Variants in ADAM9 observed in about 807,000 individuals in gnomAD.
ADAM9 encodes the protein disintegrin and metalloproteinase domain-containing protein 9.
In ADAM9, 54 loss-of-function variants were observed where a neutral mutation model predicts 108.1. That is an observed-to-expected ratio of 0.50 (90% CI 0.40 to 0.63). ADAM9 has a LOEUF of 0.63. Among genes scored for constraint, ADAM9 ranks in the 20% least tolerant of loss-of-function variants. ADAM9 has a pLI of 0.00. For synonymous variants in ADAM9, 316 were observed against 336.0 expected, an observed-to-expected ratio of 0.94 and a Z score of 0.65; for missense variants, 830 against 997.7, an observed-to-expected ratio of 0.83 and a Z score of 2.26.
At chr8:39,054,602 G>GGA in intron 13 of ADAM9, 29 bp downstream of exon 13, 1 of 944,768 alleles carries the variant, frequency 1.1e-6, no homozygotes, top group Non-Finnish European at 1.5e-6. Context: ...TTGGAAACAG[G>GGA]AAAAAAAAAA....
chr8:39,033,677 T>G (rs529205759), intron 11 of ADAM9, among the ~76,000 whole-genome samples: 1 of 152,130 alleles, frequency 6.6e-6, no homozygotes. Flanking sequence ...TCCATACCAC[T>G]GAGAAAGAAA....
At chr8:39,060,973 A>G (rs1838280820) in intron 14 of ADAM9, among the ~76,000 whole-genome samples, 1 of 152,246 alleles carries the variant, frequency 6.6e-6, no homozygotes, top group Non-Finnish European at 1.5e-5. Context: ...ACAATGAAAT[A>G]CATTTGGTAT....
chr8:39,023,332 A>ATTTT lies in ADAM9; in HGVS notation c.914+14_914+17dup, dbSNP rs556298911. 6.8e-7 allele frequency: 1 copy of ATTTT among 1,469,630 alleles called. No individual in the cohort carries two copies. The highest frequency in any genetic ancestry group is 9.3e-7 in the Non-Finnish European group (1 of 1,078,954). 91.0% of individuals were successfully genotyped at this position (1,469,630 alleles called of 1,614,324 possible). On this transcript the variant is annotated splice_region_variant and intron_variant, in intron 9 of 21. Coordinates refer to ENST00000487273, the MANE Select transcript of ADAM9 (RefSeq NM_003816.3). ...ACAGTGCACAGCTAGTTCTGTAAGT[A>ATTTT]TTTTTTTTTTAAGTACTATTAATGA...
chr8:39,087,379 C>T (rs527868612), intron 18 of ADAM9, among the ~76,000 whole-genome samples: 1 of 152,270 alleles, frequency 6.6e-6, no homozygotes, highest in South Asian at 2.1e-4. Flanking sequence ...GTTATTCCAC[C>T]TTGGCTATAA....
intron 11 of ADAM9, among the ~76,000 whole-genome samples, chr8:39,031,675 C>G (rs566177187): frequency 2.2e-4 from 33 of 152,208 alleles, no homozygotes; most frequent in Non-Finnish European, 4.4e-4. Context: ...CATTCTCTGT[C>G]CAGCTTTGTT....
At chr8:39,065,591 C>T (rs997801899) in intron 14 of ADAM9, among the ~76,000 whole-genome samples, 2 of 130,438 alleles carry the variant, frequency 1.5e-5, no homozygotes, top group African/African-American at 2.9e-5. Flanking sequence ...ACCCGGGAGG[C>T]GGAGCTTGCA....
intron 18 of ADAM9, among the ~76,000 whole-genome samples, chr8:39,086,403 A>G (rs1839182565): frequency 6.6e-6 from 1 of 152,018 alleles, no homozygotes; most frequent in Admixed American, 6.6e-5. Flanking sequence ...TTCTTGTGTG[A>G]AGTCTAATTT....
At chr8:39,070,759 TA>T (rs79278083) in intron 14 of ADAM9, among the ~76,000 whole-genome samples, 877 of 134,872 alleles carry the variant, frequency 6.5e-3, no homozygotes, top group Middle Eastern at 0.019. Flanking sequence ...TCCTGTCTCT[TA>T]AAAAAAAAAA....
rs753521767 is a variant in ADAM9 at position 39,026,627 on chromosome 8, C to T, written c.997-50C>T. On this transcript the variant is annotated intron_variant, in intron 10 of 21. Transcript: ENST00000487273. The stretch of plus-strand genomic sequence containing the variant: ...TGAAAAAATAATCTGAGCAGCAAAA[C>T]ATTTTCTTTGCGTTCAGAAACCTAA... 12 of 1,612,768 alleles carry T rather than the reference C, an allele frequency of 7.4e-6. No individual in the cohort carries two copies. In the East Asian group the frequency reaches 2.7e-4, roughly 36 times the overall value.
chr8:39,005,491 A>G (rs1215288205), intron 1 of ADAM9, among the ~76,000 whole-genome samples: 2 of 152,242 alleles, frequency 1.3e-5, no homozygotes, highest in Non-Finnish European at 2.9e-5. Flanking sequence ...GAACTGGGCA[A>G]TTGTTGGAAC....
chr8:39,068,675 C>CAAAA lies in ADAM9; in HGVS notation c.1592-2587_1592-2584dup, dbSNP rs562274321. Among the ~76,000 whole-genome samples the CAAAA allele has an allele frequency of 7.6e-4, 32 of 42,044 alleles. 4 individuals are homozygous for CAAAA. The highest frequency in any genetic ancestry group is 9.7e-4 in the Non-Finnish European group (21 of 21,618). 27.6% of individuals were successfully genotyped at this position (42,044 alleles called of 152,430 possible). A position where few individuals can be genotyped will look rare whatever the true frequency, so the allele number is the denominator to read the frequency against. ...GAGTGACAAGAGTGAAACTTCTCCT[C>CAAAA]AAAAAAAAAAAAAAAAAAAAAAAAA... On this transcript the variant is annotated intron_variant, in intron 14 of 21. Coordinates refer to ENST00000487273, the MANE Select transcript of ADAM9 (RefSeq NM_003816.3).
intron 18 of ADAM9, among the ~76,000 whole-genome samples, chr8:39,084,573 GACTTGAATCCTT>G (rs1433489014): frequency 6.6e-6 from 1 of 150,680 alleles, no homozygotes; most frequent in Non-Finnish European, 1.5e-5. Flanking sequence ...TATTGTGTAT[GACTTGAATCCTT>G]TTTTTTTTTT....
intron 2 of ADAM9, among the ~76,000 whole-genome samples, chr8:39,009,964 A>AAAAAAACCC (rs1554572507): frequency 3.8e-5 from 4 of 106,528 alleles, no homozygotes; most frequent in Non-Finnish European, 7.4e-5. Context: ...ACAAAAACAA[A>AAAAAAACCC]CCCCCCCCCC....
In ADAM9 at chr8:39,045,517, CAT is replaced by C. The variant is rs1290112521; in HGVS notation, c.1302+3407_1302+3408del. Among the ~76,000 whole-genome samples the C allele has an allele frequency of 2.8e-4, 19 of 68,886 alleles. 1 individual carries two copies. The highest frequency in any genetic ancestry group is 9.1e-4 in the African/African-American group (18 of 19,778). 45.2% of individuals were successfully genotyped at this position (68,886 alleles called of 152,430 possible). On this transcript the variant is annotated intron_variant, in intron 12 of 21. Transcript: ENST00000487273. The stretch of plus-strand genomic sequence containing the variant: ...GTGTATACATATGTGTGTGTACATA[CAT>C]ATATATGTGCATATGTGTGTATATA...
chr8:39,060,073 A>G (rs1838250905), intron 14 of ADAM9, among the ~76,000 whole-genome samples: 2 of 152,204 alleles, frequency 1.3e-5, no homozygotes. Context: ...CCAGTTTATC[A>G]TGGGCAACTC....
At position 39,016,183 on chromosome 8, in the gene ADAM9, T is replaced by A. The variant is rs1188975716; in HGVS notation, c.399T>A (p.Cys133Ter). 2 of 1,613,664 alleles carry A rather than the reference T, an allele frequency of 1.2e-6. No homozygotes were observed. Among genetic ancestry groups the A allele is most frequent in the Admixed American group, 3.3e-5 (2 of 60,022 alleles). The change falls in exon 5 of 22, where the codon TGT becomes TGA. Residue 133 changes from cysteine (C) to a stop codon, truncating the protein, a stop_gained. Transcript: ENST00000487273. LOFTEE classifies it high-confidence loss of function. The part of the protein sequence containing the change: ...VHNSSIALSD[C>*]FGLRGLLHLE... The stretch of plus-strand genomic sequence containing the variant: ...ATTCATCCATTGCTCTTAGCGACTG[T>A]TTTGGACTCAGGTAAGCAATTTCCT...
chr8:39,033,893 G>A (rs1197135055), intron 11 of ADAM9, among the ~76,000 whole-genome samples: 1 of 152,070 alleles, frequency 6.6e-6, no homozygotes, highest in Non-Finnish European at 1.5e-5. Context: ...GTTGATGGAT[G>A]TTCCAATTAC....
At chr8:39,037,215 G>A (rs773993298) in intron 11 of ADAM9, among the ~76,000 whole-genome samples, 18 of 149,632 alleles carry the variant, frequency 1.2e-4, no homozygotes, top group Admixed American at 5.3e-4. Flanking sequence ...CCGCCACTGC[G>A]CCCGGCTAAT....
At chr8:39,087,558 C>G (rs1380511011) in intron 18 of ADAM9, among the ~76,000 whole-genome samples, 1 of 152,066 alleles carries the variant, frequency 6.6e-6, no homozygotes, top group East Asian at 1.9e-4. Context: ...TGCATTTTTC[C>G]AATTGAAGAA....
Sources: allele counts gnomAD v4.1 joint callset (sites outside exome capture counted in the v4.1 genomes callset), GRCh38; gene constraint gnomAD v4.1.1; transcripts MANE v1.5; gene names NCBI Gene and HGNC (gene_info 2026-07-23, HGNC 2026-07-21).